H3C11: variants seen among roughly 807,000 people sequenced by gnomAD.
H3C11 encodes the protein H3 clustered histone 11, also known as histone H3.1.
Under a neutral mutation model 9.1 loss-of-function variants are expected in H3C11, and 10 were observed. That is an observed-to-expected ratio of 1.10 (90% confidence interval 0.68 to 1.86). H3C11 has a LOEUF of 1.86. Ranked by LOEUF, H3C11 falls within the 40% of genes most tolerant of loss-of-function variation. H3C11 has a pLI of 0.00. For missense variants in H3C11, 197 were observed against 192.5 expected (o/e 1.02, Z -0.14); for synonymous variants, 132 against 82.4 (o/e 1.60, Z -3.26).
chr6:27,872,218 G>C lies in H3C11; in HGVS notation c.98C>G (p.Thr33Ser). Reference sequence around the variant, plus strand: ...GCGGTGGGGCTTCTTGACGCCACCGGTGGCCGGAGCGCTCTTGCGAGCCGC... The same window carrying C: ...GCGGTGGGGCTTCTTGACGCCACCGCTGGCCGGAGCGCTCTTGCGAGCCGC... ...TKAARKSAPATGGVKKPHRYR... is the reference protein window; with the variant it reads ...TKAARKSAPASGGVKKPHRYR... The change falls in exon 1 of 1, where the codon ACC (threonine) becomes AGC (serine). Residue 33 changes from threonine (T) to serine (S), a missense_variant. Coordinates refer to ENST00000616365, the MANE Select transcript of H3C11 (RefSeq NM_003533.3). The C allele has an allele frequency of 6.8e-6, 11 of 1,613,056 alleles. No individual in the cohort carries two copies. The highest frequency in any genetic ancestry group is 8.5e-6 in the Non-Finnish European group (10 of 1,179,530).
Position 27,872,204 on chromosome 6 carries a change from T to C in H3C11, c.112A>G (p.Lys38Glu), listed in dbSNP as rs1290525650. ...KSAPATGGVK[K>E]PHRYRPGTVA... is the part of the protein sequence containing the mutation. ...GTGCCGGGGCGGTAGCGGTGGGGCT[T>C]CTTGACGCCACCGGTGGCCGGAGCG... Residue 38 changes from lysine (K) to glutamate (E), a missense_variant, in exon 1 of 1, where the codon AAG becomes GAG. Coordinates refer to ENST00000616365, the MANE Select transcript of H3C11 (RefSeq NM_003533.3). 1 of 1,613,148 alleles carries C rather than the reference T, an allele frequency of 6.2e-7. No individual in the cohort carries two copies. Among genetic ancestry groups the C allele is most frequent in the African/African-American group, 1.3e-5 (1 of 74,864 alleles).
At position 27,871,897 on chromosome 6, in the gene H3C11, AG is replaced by A. The variant is rs760013135; in HGVS notation, c.*7del. On this transcript the variant is annotated 3_prime_UTR_variant, in exon 1 of 1. Transcript: ENST00000616365. Reference sequence around the variant, plus strand: ...GGTTGGACAGACTTCTTGGGCTGATAGGAATATTTATGCCCTCTCCCCTCGG... The same window carrying A: ...GGTTGGACAGACTTCTTGGGCTGATAGAATATTTATGCCCTCTCCCCTCGG... 5 of 1,609,304 alleles carry A rather than the reference AG, an allele frequency of 3.1e-6. No individual in the cohort carries two copies. The highest frequency in any genetic ancestry group is 4.2e-6 in the Non-Finnish European group (5 of 1,176,924).
chr6:27,871,866 T>G lies in H3C11; in HGVS notation c.*39A>C. 6.3e-7 allele frequency: 1 copy of G among 1,579,148 alleles called. No individual in the cohort carries two copies. Among genetic ancestry groups the G allele is most frequent in the South Asian group, 1.2e-5 (1 of 86,044 alleles). On this transcript the variant is annotated 3_prime_UTR_variant, in exon 1 of 1. Transcript: ENST00000616365. ...CAATTGAGGGGCTCTGAAAAGAGCC[T>G]TTTGGGGTTGGACAGACTTCTTGGG... is the stretch of plus-strand genomic sequence containing the variant.
Position 27,871,944 on chromosome 6 carries a change from G to A in H3C11, c.372C>T (p.Asp124=), listed in dbSNP as rs1761617143. The A allele has an allele frequency of 1.9e-6, 3 of 1,614,152 alleles. No individual in the cohort carries two copies. The highest frequency in any genetic ancestry group is 2.5e-6 in the Non-Finnish European group (3 of 1,179,966). Residue 124 remains aspartate, a synonymous_variant, in exon 1 of 1, where the codon GAC becomes GAT. Coordinates refer to ENST00000616365, the MANE Select transcript of H3C11 (RefSeq NM_003533.3). ...CTCGGATGCGGCGCGCAAGCTGGAT[G>A]TCTTTAGGCATAATAGTGACGCGTT... is the stretch of plus-strand genomic sequence containing the variant. ...HAKRVTIMPK[D]IQLARRIRGE...
Position 27,872,341 on chromosome 6 carries a change from A to C in H3C11, c.-26T>G, listed in dbSNP as rs1433397684. ...GGCTAAGTAGACGTACCTACTCAAC[A>C]CAAATGAGAGAAAAAAACTGATCAT... On this transcript the variant is annotated 5_prime_UTR_variant, in exon 1 of 1. Transcript: ENST00000616365. 1.3e-6 allele frequency: 2 copies of C among 1,575,690 alleles called. No individual in the cohort carries two copies. Among genetic ancestry groups the C allele is most frequent in the Non-Finnish European group, 8.6e-7 (1 of 1,166,242 alleles).
chr6:27,872,241 C>T lies in H3C11; in HGVS notation c.75G>A (p.Ala25=), dbSNP rs756652021. 1 of 1,612,604 alleles carries T rather than the reference C, an allele frequency of 6.2e-7. No homozygotes were observed. Among genetic ancestry groups the T allele is most frequent in the Non-Finnish European group, 8.5e-7 (1 of 1,179,508 alleles). The part of the protein sequence containing the change: ...KAPRKQLATK[A]ARKSAPATGG... ...CGGTGGCCGGAGCGCTCTTGCGAGC[C>T]GCCTTGGTGGCCAGCTGCTTGCGCG... The change falls in exon 1 of 1, where the codon GCG becomes GCA. Residue 25 remains alanine (A), a synonymous_variant. Coordinates refer to ENST00000616365, the MANE Select transcript of H3C11 (RefSeq NM_003533.3).
At position 27,871,927 on chromosome 6, in the gene H3C11, C is replaced by A. The variant is rs1329254723; in HGVS notation, c.389G>T (p.Arg130Leu). Reference sequence around the variant, plus strand: ...TATTTATGCCCTCTCCCCTCGGATGCGGCGCGCAAGCTGGATGTCTTTAGG... The same window carrying A: ...TATTTATGCCCTCTCCCCTCGGATGAGGCGCGCAAGCTGGATGTCTTTAGG... ...IMPKDIQLAR[R>L]IRGERA is the part of the protein sequence containing the mutation. Residue 130 changes from arginine to leucine, a missense_variant, in exon 1 of 1, where the codon CGC becomes CTC. Coordinates refer to ENST00000616365, the MANE Select transcript of H3C11 (RefSeq NM_003533.3). 6.2e-7 allele frequency: 1 copy of A among 1,613,586 alleles called. No homozygotes were observed. Among genetic ancestry groups the A allele is most frequent in the Non-Finnish European group, 8.5e-7 (1 of 1,179,686 alleles).
In H3C11 at chr6:27,871,859, A is replaced by G. The variant is rs1761613566; in HGVS notation, c.*46T>C. On this transcript the variant is annotated 3_prime_UTR_variant, in exon 1 of 1. Coordinates refer to ENST00000616365, the MANE Select transcript of H3C11 (RefSeq NM_003533.3). ...TTGGTGACAATTGAGGGGCTCTGAA[A>G]AGAGCCTTTTGGGGTTGGACAGACT... 2 of 1,563,512 alleles carry G rather than the reference A, an allele frequency of 1.3e-6. No individual in the cohort carries two copies. The highest frequency in any genetic ancestry group is 1.7e-6 in the Non-Finnish European group (2 of 1,152,002).
chr6:27,872,237 G>C lies in H3C11; in HGVS notation c.79C>G (p.Arg27Gly). The C allele has an allele frequency of 1.2e-6, 2 of 1,612,882 alleles. No homozygotes were observed. Among genetic ancestry groups the C allele is most frequent in the Non-Finnish European group, 1.7e-6 (2 of 1,179,546 alleles). Residue 27 changes from arginine to glycine, a missense_variant, in exon 1 of 1, where the codon CGC becomes GGC. Arg to Gly is a moderately radical substitution (Grantham distance 125). Coordinates refer to ENST00000616365, the MANE Select transcript of H3C11 (RefSeq NM_003533.3). ...CCACCGGTGGCCGGAGCGCTCTTGC[G>C]AGCCGCCTTGGTGGCCAGCTGCTTG... is the stretch of plus-strand genomic sequence containing the variant. Reference protein sequence around the residue: ...PRKQLATKAARKSAPATGGVK... With the variant: ...PRKQLATKAAGKSAPATGGVK...
rs1334849705 is a variant in H3C11 at position 27,872,089 on chromosome 6, G to A, written c.227C>T (p.Ala76Val). 1 of 1,614,198 alleles carries A rather than the reference G, an allele frequency of 6.2e-7. No individual in the cohort carries two copies. The highest frequency in any genetic ancestry group is 8.5e-7 in the Non-Finnish European group (1 of 1,180,046). The change falls in exon 1 of 1, where the codon GCA becomes GTA. Residue 76 changes from alanine (A) to valine (V), a missense_variant. Transcript: ENST00000616365. The part of the protein sequence containing the change: ...LPFQRLVREI[A>V]QDFKTDLRFQ... The stretch of plus-strand genomic sequence containing the variant: ...GCGCAGATCGGTCTTAAAGTCCTGT[G>A]CGATCTCCCGTACCAAGCGCTGAAA...
At position 27,871,995 on chromosome 6, in the gene H3C11, A is replaced by C; in HGVS notation, c.321T>G (p.Asp107Glu). The C allele has an allele frequency of 1.2e-6, 2 of 1,614,242 alleles. No individual in the cohort carries two copies. The highest frequency in any genetic ancestry group is 1.7e-6 in the Non-Finnish European group (2 of 1,180,040). The change falls in exon 1 of 1, where the codon GAT becomes GAG. Residue 107 changes from aspartate (D) to glutamate (E), a missense_variant. Transcript: ENST00000616365. The stretch of plus-strand genomic sequence containing the variant: ...TGGCGTGAATGGCGCACAGGTTGGT[A>C]TCCTCAAATAGCCCCACCAGGTAGG... ...CEAYLVGLFE[D>E]TNLCAIHAKR... is the part of the protein sequence containing the mutation.
In H3C11 at chr6:27,872,265, C is replaced by A; in HGVS notation, c.51G>T (p.Pro17=). ...TARKSTGGKA[P]RKQLATKAAR... ...CCGCCTTGGTGGCCAGCTGCTTGCG[C>A]GGCGCTTTGCCGCCGGTGGACTTGC... is the stretch of plus-strand genomic sequence containing the variant. The change falls in exon 1 of 1, where the codon CCG becomes CCT. Residue 17 remains proline (P), a synonymous_variant. Transcript: ENST00000616365. The A allele has an allele frequency of 6.2e-7, 1 of 1,611,632 alleles. No homozygotes were observed. The highest frequency in any genetic ancestry group is 1.7e-5 in the Admixed American group (1 of 58,952).
rs1350818370 is a variant in H3C11 at position 27,872,246 on chromosome 6, T to A, written c.70A>T (p.Lys24Ter). 1.2e-6 allele frequency: 2 copies of A among 1,612,500 alleles called. No individual in the cohort carries two copies. The highest frequency in any genetic ancestry group is 1.7e-6 in the Non-Finnish European group (2 of 1,179,466). ...GKAPRKQLATKAARKSAPATG... is the reference protein window; with the variant it reads ...GKAPRKQLAT ...GCCGGAGCGCTCTTGCGAGCCGCCT[T>A]GGTGGCCAGCTGCTTGCGCGGCGCT... is the stretch of plus-strand genomic sequence containing the variant. The change falls in exon 1 of 1, where the codon AAG becomes TAG. Residue 24 changes from lysine to a stop codon, truncating the protein, a stop_gained. Transcript: ENST00000616365. LOFTEE classifies it high-confidence loss of function.
Position 27,872,326 on chromosome 6 carries a change from AC to A in H3C11, c.-12del. On this transcript the variant is annotated 5_prime_UTR_variant, in exon 1 of 1. Coordinates refer to ENST00000616365, the MANE Select transcript of H3C11 (RefSeq NM_003533.3). Reference sequence around the variant, plus strand: ...CTTTGTTCGTGCCATGGCTAAGTAGACGTACCTACTCAACACAAATGAGAGA... The same window carrying A: ...CTTTGTTCGTGCCATGGCTAAGTAGAGTACCTACTCAACACAAATGAGAGA... 6.3e-7 allele frequency: 1 copy of A among 1,596,804 alleles called. No individual in the cohort carries two copies. The highest frequency in any genetic ancestry group is 1.4e-5 in the African/African-American group (1 of 73,580).
In H3C11 at chr6:27,872,345, A is replaced by T. The variant is rs773374665; in HGVS notation, c.-30T>A. ...AAGTAGACGTACCTACTCAACACAA[A>T]TGAGAGAAAAAAACTGATCATCCCG... On this transcript the variant is annotated 5_prime_UTR_variant, in exon 1 of 1. Transcript: ENST00000616365. The T allele has an allele frequency of 8.1e-5, 127 of 1,572,578 alleles. No individual in the cohort carries two copies. Among genetic ancestry groups the T allele is most frequent in the Non-Finnish European group, 1.1e-4 (126 of 1,164,296 alleles).
chr6:27,871,968 T>C lies in H3C11; in HGVS notation c.348A>G (p.Lys116=), dbSNP rs200956. ...TGTCTTTAGGCATAATAGTGACGCG[T>C]TTGGCGTGAATGGCGCACAGGTTGG... ...EDTNLCAIHA[K]RVTIMPKDIQ... Residue 116 remains lysine (K), a synonymous_variant, in exon 1 of 1, where the codon AAA becomes AAG. Transcript: ENST00000616365. The C allele has an allele frequency of 0.18, 291,623 of 1,614,022 alleles. 29,756 individuals are homozygous for C. Among genetic ancestry groups the C allele is most frequent in the African/African-American group, 0.43 (32,060 of 74,952 alleles).
In H3C11 at chr6:27,872,187, G is replaced by A. The variant is rs1298962480; in HGVS notation, c.129C>T (p.Arg43=). 3 of 1,613,756 alleles carry A rather than the reference G, an allele frequency of 1.9e-6. No homozygotes were observed. Among genetic ancestry groups the A allele is most frequent in the Non-Finnish European group, 1.7e-6 (2 of 1,179,840 alleles). Residue 43 remains arginine (R), a synonymous_variant, in exon 1 of 1, where the codon CGC becomes CGT. Transcript: ENST00000616365. ...TGGVKKPHRY[R]PGTVALREIR... is the part of the protein sequence containing the mutation. ...TCTCGCGCAGGGCCACGGTGCCGGGGCGGTAGCGGTGGGGCTTCTTGACGC... is the reference window on the plus strand; with the variant it reads ...TCTCGCGCAGGGCCACGGTGCCGGGACGGTAGCGGTGGGGCTTCTTGACGC...
rs1173183836 is a variant in H3C11 at position 27,872,250 on chromosome 6, G to A, written c.66C>T (p.Ala22=). Residue 22 remains alanine (A), a synonymous_variant, in exon 1 of 1, where the codon GCC becomes GCT. Transcript: ENST00000616365. ...GAGCGCTCTTGCGAGCCGCCTTGGT[G>A]GCCAGCTGCTTGCGCGGCGCTTTGC... ...TGGKAPRKQL[A]TKAARKSAPA... 2 of 1,612,104 alleles carry A rather than the reference G, an allele frequency of 1.2e-6. No individual in the cohort carries two copies. Among genetic ancestry groups the A allele is most frequent in the Non-Finnish European group, 8.5e-7 (1 of 1,179,432 alleles).
Position 27,871,968 on chromosome 6 carries a change from T to G in H3C11, c.348A>C (p.Lys116Asn). The G allele has an allele frequency of 6.2e-7, 1 of 1,614,052 alleles. No homozygotes were observed. The highest frequency in any genetic ancestry group is 8.5e-7 in the Non-Finnish European group (1 of 1,180,008). Reference sequence around the variant, plus strand: ...TGTCTTTAGGCATAATAGTGACGCGTTTGGCGTGAATGGCGCACAGGTTGG... The same window carrying G: ...TGTCTTTAGGCATAATAGTGACGCGGTTGGCGTGAATGGCGCACAGGTTGG... ...EDTNLCAIHAKRVTIMPKDIQ... is the reference protein window; with the variant it reads ...EDTNLCAIHANRVTIMPKDIQ... Residue 116 changes from lysine (K) to asparagine (N), a missense_variant, in exon 1 of 1, where the codon AAA becomes AAC. Physicochemically the swap from Lys to Asn is moderately conservative, Grantham distance 94. Transcript: ENST00000616365.
Sources: gnomAD v4.1 joint callset for allele counts on GRCh38, gnomAD v4.1.1 for gene constraint, MANE v1.5 for transcripts, NCBI Gene and HGNC (gene_info 2026-07-23, HGNC 2026-07-21) for gene names.